Variants in AKT2 observed in about 807,000 individuals in gnomAD.
AKT2 encodes RAC-beta serine/threonine-protein kinase.
A neutral mutation model predicts 58.6 loss-of-function variants in AKT2; 16 were observed. That is an observed-to-expected ratio of 0.27 (90% confidence interval 0.18 to 0.41). The LOEUF (loss-of-function observed/expected upper bound fraction) is 0.41. AKT2 is among the 10% of genes least tolerant of loss of function. The pLI, the probability that AKT2 is intolerant of heterozygous loss-of-function variation, is 1.00. For synonymous variants in AKT2, 253 were observed against 254.0 expected (o/e 1.00, Z 0.04); for missense variants, 438 against 661.0 (o/e 0.66, Z 3.70).
chr19:40,282,526 A>C (rs2077441513), intron 1 of AKT2: 2 of 531,294 alleles, frequency 3.8e-6, no homozygotes, highest in African/African-American at 3.9e-5. Context: ...AGAGATGCTC[A>C]GGGCAGCCTG....
rs781460554 is a variant in AKT2 at position 40,257,064 on chromosome 19, G to A, written c.47-10C>T. On this transcript the variant is annotated splice_polypyrimidine_tract_variant and intron_variant, in intron 2 of 13. Transcript: ENST00000392038. ...GTCTTGATGTATTCACCTGAAATGA[G>A]GCAGGAAGGGAGGGAGAGAGGTTAG... 1.9e-6 allele frequency: 3 copies of A among 1,613,902 alleles called. No homozygotes were observed. Among genetic ancestry groups the A allele is most frequent in the Non-Finnish European group, 2.5e-6 (3 of 1,179,934 alleles).
At chr19:40,284,669 A>T (rs920440618) in intron 1 of AKT2, 1 of 152,270 alleles carries the variant, frequency 6.6e-6, no homozygotes, top group African/African-American at 2.4e-5. Context: ...CAGTCCTCTG[A>T]TTTGGGTTCC....
rs1568519811 is a variant in AKT2 at position 40,236,392 on chromosome 19, GAA to G, written c.832-9_832-8del. 6.2e-7 allele frequency: 1 copy of G among 1,614,070 alleles called. No homozygotes were observed. Among genetic ancestry groups the G allele is most frequent in the Admixed American group, 1.7e-5 (1 of 60,016 alleles). ...CCAGCATGAGGTTTTCCAGCTGTTG[GAA>G]AAGTCAACGGATCTCAGGTGCATGC... On this transcript the variant is annotated splice_region_variant and splice_polypyrimidine_tract_variant and intron_variant, in intron 9 of 13. Transcript: ENST00000392038.
chr19:40,241,574 T>C (rs1974407857), intron 6 of AKT2: 1 of 298,662 alleles, frequency 3.3e-6, no homozygotes, highest in Non-Finnish European at 6.5e-6. Flanking sequence ...AGGGAAAAAG[T>C]AGAATTCCAC....
At chr19:40,241,104 T>G (rs536483566) in intron 6 of AKT2, 1 of 152,496 alleles carries the variant, frequency 6.6e-6, no homozygotes, top group East Asian at 1.9e-4. Context: ...TCATTTTTGA[T>G]TGTCACAACT....
At chr19:40,271,864 T>G (rs1434758862) in intron 1 of AKT2, among the ~76,000 whole-genome samples, 1 of 152,196 alleles carries the variant, frequency 6.6e-6, no homozygotes, top group East Asian at 1.9e-4. Flanking sequence ...ATGTCTTCAG[T>G]CATCACCAAA....
In AKT2 at chr19:40,233,401, G is replaced by A. The variant is rs960224177; in HGVS notation, c.*471C>T. 2.6e-5 allele frequency: 12 copies of A among 460,624 alleles called. No individual in the cohort carries two copies. Among genetic ancestry groups the A allele is most frequent in the African/African-American group, 5.8e-5 (3 of 51,456 alleles). 28.5% of individuals were successfully genotyped at this position (460,624 alleles called of 1,614,324 possible). A position where few individuals can be genotyped will look rare whatever the true frequency, so the allele number is the denominator to read the frequency against. Reference sequence around the variant, plus strand: ...AGCGGGTGGGGGATTGGACCGCCCCGTGCCTGGCCACTCCGAGCCTAGGCC... The same window carrying A: ...AGCGGGTGGGGGATTGGACCGCCCCATGCCTGGCCACTCCGAGCCTAGGCC... On this transcript the variant is annotated 3_prime_UTR_variant, in exon 14 of 14. Coordinates refer to ENST00000392038, the MANE Select transcript of AKT2 (RefSeq NM_001626.6). The surrounding 1 kb of genome is among the most constrained non-coding windows in gnomAD (Gnocchi z 4.3).
chr19:40,255,570 G>A (rs1445903521), intron 3 of AKT2, among the ~76,000 whole-genome samples: 3 of 152,170 alleles, frequency 2.0e-5, no homozygotes, highest in Non-Finnish European at 4.4e-5. Flanking sequence ...GGGGTTGGGG[G>A]GCTTCCCAGA....
intron 4 of AKT2, among the ~76,000 whole-genome samples, chr19:40,251,804 G>A (rs1368910299): frequency 2.0e-5 from 3 of 152,196 alleles, no homozygotes; most frequent in Non-Finnish European, 4.4e-5. Context: ...GATTCTGTAG[G>A]AGAAAGTCCT....
At chr19:40,249,149 AT>A (rs1974961860) in intron 4 of AKT2, among the ~76,000 whole-genome samples, 1 of 152,110 alleles carries the variant, frequency 6.6e-6, no homozygotes, top group Admixed American at 6.5e-5. Flanking sequence ...TCTGGGTCTT[AT>A]CCTCAGCACC....
chr19:40,259,082 C>G (rs1258260436), intron 2 of AKT2, among the ~76,000 whole-genome samples: 3 of 151,964 alleles, frequency 2.0e-5, no homozygotes, highest in Non-Finnish European at 4.4e-5. Context: ...GAATTCAGAG[C>G]CAAAAAATAA....
At chr19:40,247,168 T>C (rs1974811308) in intron 4 of AKT2, among the ~76,000 whole-genome samples, 1 of 152,174 alleles carries the variant, frequency 6.6e-6, no homozygotes, top group African/African-American at 2.4e-5. Flanking sequence ...AGGGCCTCTG[T>C]CCAGGATCCT....
At chr19:40,282,816 A>G (rs1038389316) in intron 1 of AKT2, 1 of 296,656 alleles carries the variant, frequency 3.4e-6, no homozygotes, top group Non-Finnish European at 6.6e-6. Flanking sequence ...AGCCCAAAGC[A>G]CAGGGCTGGG....
chr19:40,274,745 C>T (rs754293718), intron 1 of AKT2: 7 of 303,212 alleles, frequency 2.3e-5, no homozygotes, highest in South Asian at 1.5e-4. Flanking sequence ...GAGGCGCGTT[C>T]GAGGCGCCTA....
chr19:40,238,721 C>T lies in AKT2; in HGVS notation c.708+184G>A, dbSNP rs1974185131. On this transcript the variant is annotated intron_variant, in intron 8 of 13. Coordinates refer to ENST00000392038, the MANE Select transcript of AKT2 (RefSeq NM_001626.6). The surrounding 1 kb of genome is among the most constrained non-coding windows in gnomAD (Gnocchi z 5.1). The stretch of plus-strand genomic sequence containing the variant: ...TGTAAACTTGGGCAAGCCACTTAAC[C>T]TCTCTGAGCCTCAGTGACTGCCCCC... Among the ~76,000 whole-genome samples the T allele has an allele frequency of 6.6e-6, 1 of 152,188 alleles. No individual in the cohort carries two copies. Among genetic ancestry groups the T allele is most frequent in the Non-Finnish European group, 1.5e-5 (1 of 68,024 alleles).
intron 1 of AKT2, among the ~76,000 whole-genome samples, chr19:40,284,187 T>A (rs1340441229): frequency 6.6e-6 from 1 of 152,068 alleles, no homozygotes; most frequent in African/African-American, 2.4e-5. Flanking sequence ...AAGATCAAGA[T>A]GCCCCCAGAG....
At chr19:40,273,572 C>G (rs1248203701) in intron 1 of AKT2, 1 of 151,294 alleles carries the variant, frequency 6.6e-6, no homozygotes, top group African/African-American at 2.4e-5. Flanking sequence ...TCCCTACACT[C>G]GCCCCATCTG....
At chr19:40,240,867 G>C (rs1974361992) in intron 6 of AKT2, 1 of 156,948 alleles carries the variant, frequency 6.4e-6, no homozygotes. Flanking sequence ...GGTCACTACA[G>C]CCTCAACCTC....
chr19:40,255,335 T>C (rs1395196203), intron 3 of AKT2, 66 bp from the exon 4 acceptor site: 17 of 1,371,474 alleles, frequency 1.2e-5, no homozygotes, highest in Admixed American at 1.7e-5. Flanking sequence ...CAGCCCAAAG[T>C]GCCCGAGCCA....
Sources: gnomAD v4.1 joint callset for allele counts (sites outside exome capture counted in the v4.1 genomes callset) on GRCh38, gnomAD v4.1.1 for gene constraint, Gnocchi (gnomAD v3.1) non-coding constraint, MANE v1.5 for transcripts, NCBI Gene and HGNC (gene_info 2026-07-23, HGNC 2026-07-21) for gene names.